The following ETFA variants were observed in gnomAD, a reference collection of about 807,000 sequenced individuals.
ETFA encodes the protein electron transfer flavoprotein subunit alpha.
ETFA carries 22 observed loss-of-function variants against 46.2 expected under a neutral mutation model. The ratio of observed to expected loss-of-function variants is 0.48; its 90% CI spans 0.34 to 0.68. The LOEUF (loss-of-function observed/expected upper bound fraction) is 0.68. ETFA is among the 30% of genes least tolerant of loss of function. The probability of loss-of-function intolerance (pLI) is 0.01; values close to 1 mark genes in which losing one functional copy is unlikely to be tolerated. For synonymous variants in ETFA, 131 were observed against 139.9 expected (o/e 0.94, Z 0.45); for missense variants, 345 against 401.1 (o/e 0.86, Z 1.19).
At chr15:76,305,508 T>C (rs2039931183) in intron 1 of ETFA, among the ~76,000 whole-genome samples, 1 of 152,246 alleles carries the variant, frequency 6.6e-6, no homozygotes, top group African/African-American at 2.4e-5. Context: ...TTAGAGAAGT[T>C]CTCTATACTC....
At chr15:76,223,209 T>A (rs1375645095) in intron 11 of ETFA, among the ~76,000 whole-genome samples, 1 of 141,424 alleles carries the variant, frequency 7.1e-6, no homozygotes, top group Non-Finnish European at 1.5e-5. Flanking sequence ...ATAACTGTAC[T>A]TCAGAACTTT....
intron 1 of ETFA, among the ~76,000 whole-genome samples, chr15:76,310,378 A>AAAG (rs1452133498): frequency 6.8e-6 from 1 of 148,140 alleles, no homozygotes; most frequent in African/African-American, 2.6e-5. Context: ...AGAAAAAAAA[A>AAAG]AAAAAAAAAA....
intron 9 of ETFA, among the ~76,000 whole-genome samples, chr15:76,246,312 C>A (rs2039242527): frequency 6.6e-6 from 1 of 152,176 alleles, no homozygotes; most frequent in Non-Finnish European, 1.5e-5. Context: ...AGTGGCAACA[C>A]CAAGGGCTGA....
At chr15:76,268,454 TG>T (rs968819820) in intron 9 of ETFA, among the ~76,000 whole-genome samples, 5 of 152,108 alleles carry the variant, frequency 3.3e-5, no homozygotes, top group African/African-American at 1.2e-4. Context: ...CCCCATAACA[TG>T]GGACAGATCA....
chr15:76,227,530 G>GAAAAAAAAAAAAAAAAAA (rs1567196426), intron 10 of ETFA, among the ~76,000 whole-genome samples: 3 of 45,004 alleles, frequency 6.7e-5, no homozygotes, highest in African/African-American at 1.5e-4. Flanking sequence ...AAAAAAAAAG[G>GAAAAAAAAAAAAAAAAAA]AAAAGCTATC....
intron 1 of ETFA, among the ~76,000 whole-genome samples, chr15:76,297,511 G>A (rs2039836896): frequency 6.6e-6 from 1 of 151,714 alleles, no homozygotes; most frequent in East Asian, 1.9e-4. Flanking sequence ...CACATCATTT[G>A]CCATAAAAAT....
At chr15:76,274,531 C>G (rs761640356) in intron 8 of ETFA, 37 bp from the exon 9 acceptor site, 94 of 1,506,142 alleles carry the variant, frequency 6.2e-5, no homozygotes, top group Non-Finnish European at 8.3e-5. Context: ...TTTTCAAGCT[C>G]TATTATTCAG....
chr15:76,249,024 A>T (rs1301418626), intron 9 of ETFA, among the ~76,000 whole-genome samples: 1 of 152,228 alleles, frequency 6.6e-6, no homozygotes, highest in African/African-American at 2.4e-5. Flanking sequence ...ACTAGTAATC[A>T]CAGAAAAGCA....
At chr15:76,285,594 A>C in intron 7 of ETFA, 43 bp downstream of exon 7, 1 of 1,069,074 alleles carries the variant, frequency 9.4e-7, no homozygotes, top group Non-Finnish European at 1.5e-6. Context: ...AAAAAATCAA[A>C]GTATTTTCAA....
intron 1 of ETFA, among the ~76,000 whole-genome samples, chr15:76,307,489 C>CT (rs144568141): frequency 0.014 from 1,714 of 118,632 alleles, 12 homozygotes; most frequent in African/African-American, 0.02. Context: ...CCATCTTAAC[C>CT]TTTTTTTTTT....
intron 9 of ETFA, among the ~76,000 whole-genome samples, chr15:76,232,945 C>G (rs2039084796): frequency 6.6e-6 from 1 of 152,188 alleles, no homozygotes; most frequent in African/African-American, 2.4e-5. Context: ...CCAACTGCTC[C>G]TAGAGCAGCA....
At chr15:76,259,118 A>G (rs1333447598) in intron 9 of ETFA, 11 of 1,521,130 alleles carry the variant, frequency 7.2e-6, no homozygotes, top group African/African-American at 1.4e-5. Flanking sequence ...GGATGTATCA[A>G]CATTCACTGG....
chr15:76,232,921 C>T (rs1409532895), intron 9 of ETFA, among the ~76,000 whole-genome samples: 1 of 152,214 alleles, frequency 6.6e-6, no homozygotes, highest in Non-Finnish European at 1.5e-5. Flanking sequence ...CTGATCTTTA[C>T]AAGCATAAAG....
At chr15:76,276,970 T>C (rs1198706783) in intron 8 of ETFA, among the ~76,000 whole-genome samples, 1 of 152,210 alleles carries the variant, frequency 6.6e-6, no homozygotes, top group South Asian at 2.1e-4. Context: ...GTCTTTTACC[T>C]TTTAGTATAT....
chr15:76,256,284 T>G (rs2456073), intron 9 of ETFA, among the ~76,000 whole-genome samples: 143,301 of 146,546 alleles, frequency 0.98, 70,136 homozygotes, highest in South Asian at 1. Flanking sequence ...AAAAAAAAAA[T>G]ATTAACCTTA....
chr15:76,301,995 C>G (rs576404749), intron 1 of ETFA, among the ~76,000 whole-genome samples: 1 of 152,302 alleles, frequency 6.6e-6, no homozygotes, highest in East Asian at 1.9e-4. Flanking sequence ...TACCACTACA[C>G]ACTTATTAGA....
intron 9 of ETFA, among the ~76,000 whole-genome samples, chr15:76,268,989 T>G (rs972109839): frequency 6.6e-6 from 1 of 152,224 alleles, no homozygotes; most frequent in Non-Finnish European, 1.5e-5. Context: ...TCAGGCTCAC[T>G]TGAACCTGCT....
intron 4 of ETFA, among the ~76,000 whole-genome samples, chr15:76,291,464 A>AT (rs964967621): frequency 6.7e-6 from 1 of 150,330 alleles, no homozygotes. Flanking sequence ...AAAAAAAAAA[A>AT]AGTAGGCCAG....
chr15:76,216,717 G>A, intron 11 of ETFA, 120 bp from the exon 12 acceptor site: 2 of 712,410 alleles, frequency 2.8e-6, no homozygotes, highest in Non-Finnish European at 5.1e-6. Context: ...GAGGCACGAG[G>A]GCCCCCTCCT....
Sources: gnomAD v4.1 joint callset for allele counts (sites outside exome capture counted in the v4.1 genomes callset) on GRCh38, gnomAD v4.1.1 for gene constraint, MANE v1.5 for transcripts, NCBI Gene and HGNC (gene_info 2026-07-23, HGNC 2026-07-21) for gene names.